Variants in TKT observed in about 807,000 individuals in gnomAD.
TKT encodes the protein transketolase, also known as epididymis luminal protein 107.
TKT carries 47 observed loss-of-function variants against 63.9 expected under a neutral mutation model. That is an observed-to-expected ratio of 0.74 (90% CI 0.58 to 0.94). TKT has a LOEUF of 0.94. Ranked by LOEUF, TKT falls within the 40% of genes least tolerant of loss-of-function variation. The pLI is 0.00. For missense variants in TKT, 721 were observed against 846.2 expected (o/e 0.85, Z 1.84); for synonymous variants, 338 against 334.1 (o/e 1.01, Z -0.13).
chr3:53,233,102 CCA>C (rs1704842559), intron 6 of TKT, 52 bp downstream of exon 6: 5 of 1,494,140 alleles, frequency 3.3e-6, no homozygotes, highest in East Asian at 2.3e-5. Flanking sequence ...AGCTACGTAG[CCA>C]CAGTGTCTGG....
At chr3:53,230,055 C>T (rs1374241214) in intron 8 of TKT, among the ~76,000 whole-genome samples, 2 of 152,254 alleles carry the variant, frequency 1.3e-5, no homozygotes, top group Non-Finnish European at 2.9e-5. Flanking sequence ...TCTCTGCATC[C>T]CTCAGGGTGG....
At chr3:53,230,816 C>A (rs984599207) in intron 7 of TKT, among the ~76,000 whole-genome samples, 195 bp from the exon 8 acceptor site, 1 of 10,070 alleles carries the variant, frequency 9.9e-5, no homozygotes, top group East Asian at 0.12. Flanking sequence ...CCCCTGGAGC[C>A]CCGGCCCCTT....
intron 1 of TKT, among the ~76,000 whole-genome samples, chr3:53,251,418 C>A (rs1024451537): frequency 6.6e-6 from 1 of 152,174 alleles, no homozygotes; most frequent in Admixed American, 6.5e-5. Context: ...GCCATAATTC[C>A]TTCAGCCCAT....
rs1704462675 is a variant in TKT at position 53,225,664 on chromosome 3, CAT to C, written c.*90_*91del. 1 of 1,366,696 alleles carries C rather than the reference CAT, an allele frequency of 7.3e-7. No homozygotes were observed. The highest frequency in any genetic ancestry group is 1.6e-5 in the South Asian group (1 of 64,006). 84.7% of individuals were successfully genotyped at this position (1,366,696 alleles called of 1,614,324 possible). ...CAGGGCCAATTCATTTTTCTCAAAA[CAT>C]ATATTTACCCCTCCTCTCAGTACAT... On this transcript the variant is annotated 3_prime_UTR_variant, in exon 14 of 14. Transcript: ENST00000462138.
chr3:53,255,542 C>G (rs1289280994), intron 1 of TKT, among the ~76,000 whole-genome samples: 1 of 152,226 alleles, frequency 6.6e-6, no homozygotes, highest in Non-Finnish European at 1.5e-5. Context: ...ATCCCCCGCG[C>G]CACCATGCAG....
intron 10 of TKT, chr3:53,228,773 G>A (rs1347639102): frequency 3.2e-6 from 2 of 623,030 alleles, no homozygotes; most frequent in Admixed American, 6.1e-5. Context: ...GGCCAGGGCT[G>A]CCAGGATTCT....
intron 5 of TKT, chr3:53,233,537 A>T (rs375925837): frequency 8.2e-6 from 3 of 365,690 alleles, no homozygotes; most frequent in African/African-American, 6.3e-5. Context: ...TCCAGAGCTC[A>T]GTTCCTTTAT....
At chr3:53,226,988 C>T in intron 12 of TKT, 110 bp from the exon 13 acceptor site, 1 of 1,360,136 alleles carries the variant, frequency 7.4e-7, no homozygotes, top group Non-Finnish European at 9.9e-7. Context: ...AAGAGCTCAG[C>T]CTGCGGGCCT....
intron 1 of TKT, among the ~76,000 whole-genome samples, chr3:53,243,394 T>A (rs1369885954): frequency 6.7e-6 from 1 of 149,840 alleles, no homozygotes; most frequent in East Asian, 1.9e-4. Context: ...ACACGCCGCA[T>A]GCCAAGCCCA....
Position 53,229,328 on chromosome 3 carries a change from A to C in TKT, c.1216T>G (p.Ser406Ala). Residue 406 changes from serine (S) to alanine (A), a missense_variant, in exon 9 of 14, where the codon TCC (serine) becomes GCC (alanine). By Grantham distance (99) the Ser-to-Ala change is moderately conservative. Transcript: ENST00000462138. ...CCGCAGAGGTTGATGTTGCTCTCGG[A>C]GATGGCGGCCATGCGAATCTGGTCA... ...AFDQIRMAAI[S>A]ESNINLCGSH... 6.2e-7 allele frequency: 1 copy of C among 1,614,024 alleles called. No individual in the cohort carries two copies. Among genetic ancestry groups the C allele is most frequent in the South Asian group, 1.1e-5 (1 of 91,070 alleles).
In TKT at chr3:53,229,076, T is replaced by C. The variant is rs782268357; in HGVS notation, c.1326A>G (p.Thr442=). 4 of 1,614,140 alleles carry C rather than the reference T, an allele frequency of 2.5e-6. No individual in the cohort carries two copies. The highest frequency in any genetic ancestry group is 1.1e-5 in the South Asian group (1 of 91,086). The change falls in exon 10 of 14, where the codon ACA becomes ACG. Residue 442 remains threonine (T), a synonymous_variant. Transcript: ENST00000462138. Reference sequence around the variant, plus strand: ...CATCACTTGGGTAAAAGACAGTTGATGTGGGGACTGACCGAAACATAGCCA... The same window carrying C: ...CATCACTTGGGTAAAAGACAGTTGACGTGGGGACTGACCGAAACATAGCCA... ...EDLAMFRSVP[T]STVFYPSDGV... is the part of the protein sequence containing the mutation.
intron 1 of TKT, among the ~76,000 whole-genome samples, chr3:53,250,728 C>T (rs937555578): frequency 6.6e-6 from 1 of 152,172 alleles, no homozygotes; most frequent in South Asian, 2.1e-4. Context: ...GCAGAGATCA[C>T]GCCACAGCAT....
At chr3:53,251,947 C>T (rs1559661382) in intron 1 of TKT, among the ~76,000 whole-genome samples, 1 of 152,194 alleles carries the variant, frequency 6.6e-6, no homozygotes, top group Non-Finnish European at 1.5e-5. Flanking sequence ...CAAGACCAAC[C>T]TCAACATGGA....
At chr3:53,235,245 C>T in intron 4 of TKT, 71 bp from the exon 5 acceptor site, 1 of 1,413,236 alleles carries the variant, frequency 7.1e-7, no homozygotes, top group South Asian at 1.5e-5. Flanking sequence ...CCCCACCCAT[C>T]CAAGGAGCCT....
intron 4 of TKT, chr3:53,235,444 C>G (rs1704980262): frequency 2.9e-6 from 1 of 348,068 alleles, no homozygotes; most frequent in Non-Finnish European, 5.2e-6. Flanking sequence ...TCTAGGACAA[C>G]AGGGATCTGG....
intron 6 of TKT, 127 bp downstream of exon 6, chr3:53,233,029 C>T (rs1257551711): frequency 1.3e-6 from 1 of 799,260 alleles, no homozygotes; most frequent in Non-Finnish European, 2.0e-6. Flanking sequence ...TCCCGCTCCC[C>T]TTCCCTGGAG....
At chr3:53,232,784 C>T (rs57717562) in intron 6 of TKT, 5,632 of 410,740 alleles carry the variant, frequency 0.014, 201 homozygotes, top group South Asian at 0.097. Context: ...GGCTCTGTGT[C>T]GGCCCTTCAG....
At chr3:53,228,652 G>A (rs994878504) in intron 10 of TKT, 24 of 502,576 alleles carry the variant, frequency 4.8e-5, no homozygotes, top group Admixed American at 4.6e-4. Context: ...GGAACCACGC[G>A]CACTGGGTCT....
intron 11 of TKT, 43 bp downstream of exon 11, chr3:53,228,233 T>TC: frequency 6.2e-7 from 1 of 1,613,062 alleles, no homozygotes; most frequent in Non-Finnish European, 8.5e-7. Flanking sequence ...GCAGGGAGGG[T>TC]CCAGGCAGCT....
Sources: gnomAD v4.1 joint callset for allele counts (sites outside exome capture counted in the v4.1 genomes callset) on GRCh38, gnomAD v4.1.1 for gene constraint, MANE v1.5 for transcripts, NCBI Gene and HGNC (gene_info 2026-07-23, HGNC 2026-07-21) for gene names.